The following PTPRT variants were observed in gnomAD, a reference collection of about 807,000 sequenced individuals.
PTPRT encodes the protein protein tyrosine phosphatase receptor type T, also known as receptor-type tyrosine-protein phosphatase T.
Under a neutral mutation model 176.8 loss-of-function variants are expected in PTPRT, and 56 were observed. The observed-to-expected ratio is 0.32, with a 90% CI of 0.26 to 0.40. The LOEUF is 0.40. Among genes scored for constraint, PTPRT ranks in the 10% least tolerant of loss-of-function variants. PTPRT has a pLI of 1.00. For missense variants in PTPRT, 1,540 were observed against 1,908.2 expected (o/e 0.81, Z 3.60); for synonymous variants, 783 against 739.0 (o/e 1.06, Z -0.96).
At chr20:42,798,495 A>T (rs145888807) in intron 2 of PTPRT, among the ~76,000 whole-genome samples, 58 of 152,316 alleles carry the variant, frequency 3.8e-4, no homozygotes, top group African/African-American at 1.3e-3. Flanking sequence ...ACCAATAAAC[A>T]TATCATTCAA....
chr20:43,071,221 T>C (rs1276094557), intron 1 of PTPRT, among the ~76,000 whole-genome samples: 7 of 151,648 alleles, frequency 4.6e-5, no homozygotes, highest in African/African-American at 7.3e-5. Context: ...ACTTTCTCCT[T>C]AGAGCAGGGT....
At chr20:43,188,872 C>A (rs1446520633) in intron 1 of PTPRT, among the ~76,000 whole-genome samples, 1 of 152,068 alleles carries the variant, frequency 6.6e-6, no homozygotes, top group Non-Finnish European at 1.5e-5. Context: ...AGGCACCACC[C>A]CCCCGCCCCC....
chr20:42,342,194 T>C (rs528473159), intron 11 of PTPRT, among the ~76,000 whole-genome samples: 33 of 152,340 alleles, frequency 2.2e-4, no homozygotes, highest in South Asian at 4.1e-4. Context: ...CTTCAATATG[T>C]ATCCCAATGG....
At chr20:43,164,674 C>T (rs549639511) in intron 1 of PTPRT, among the ~76,000 whole-genome samples, 11 of 152,332 alleles carry the variant, frequency 7.2e-5, no homozygotes, top group African/African-American at 2.4e-4. Flanking sequence ...GCAGGGCATA[C>T]GGTTTCTGTT....
At chr20:43,154,681 A>C (rs1056671779) in intron 1 of PTPRT, among the ~76,000 whole-genome samples, 4 of 152,172 alleles carry the variant, frequency 2.6e-5, no homozygotes, top group African/African-American at 9.7e-5. Flanking sequence ...ATTTTTTTGG[A>C]TATGACCTCA....
At chr20:42,936,852 C>T (rs1027620146) in intron 1 of PTPRT, among the ~76,000 whole-genome samples, 1 of 152,146 alleles carries the variant, frequency 6.6e-6, no homozygotes, top group Non-Finnish European at 1.5e-5. Context: ...ATTGAAGATT[C>T]GTTTAATTCT....
chr20:42,330,055 A>T (rs1450132790), intron 11 of PTPRT, among the ~76,000 whole-genome samples: 2 of 152,190 alleles, frequency 1.3e-5, no homozygotes, highest in East Asian at 1.9e-4. Flanking sequence ...TGACTATTCA[A>T]TGTTTACGAA....
intron 11 of PTPRT, among the ~76,000 whole-genome samples, chr20:42,329,704 C>T (rs1380173572): frequency 6.6e-6 from 1 of 152,104 alleles, no homozygotes; most frequent in Non-Finnish European, 1.5e-5. Context: ...ATCAACCTTA[C>T]ATAAAGCCTA....
chr20:42,035,889 T>C, the PTPRT span, among the ~76,000 whole-genome samples: 1 of 152,176 alleles, frequency 6.6e-6, no homozygotes, highest in Non-Finnish European at 1.5e-5. Flanking sequence ...TAGATTGCAA[T>C]GGGGAGTTCA....
intron 1 of PTPRT, among the ~76,000 whole-genome samples, chr20:43,093,682 C>G (rs994266903): frequency 1.3e-5 from 2 of 152,202 alleles, no homozygotes; most frequent in Non-Finnish European, 2.9e-5. Flanking sequence ...GCTCCAATGC[C>G]CCACTGGCTT....
chr20:42,522,027 A>C (rs2072185880), intron 7 of PTPRT, among the ~76,000 whole-genome samples: 1 of 151,922 alleles, frequency 6.6e-6, no homozygotes, highest in Admixed American at 6.6e-5. Flanking sequence ...CAGAAAAAGA[A>C]ATAGTACAAC....
At chr20:42,606,029 G>A (rs750676387) in intron 7 of PTPRT, among the ~76,000 whole-genome samples, 7 of 152,220 alleles carry the variant, frequency 4.6e-5, no homozygotes, top group Non-Finnish European at 1.5e-5. Flanking sequence ...AGAATTTCAG[G>A]CTACAGGATC....
At chr20:42,359,180 C>A (rs1018071787) in intron 9 of PTPRT, among the ~76,000 whole-genome samples, 1 of 152,194 alleles carries the variant, frequency 6.6e-6, no homozygotes, top group Non-Finnish European at 1.5e-5. Context: ...GATTCTCATG[C>A]ACACTGAGTT....
intron 13 of PTPRT, among the ~76,000 whole-genome samples, chr20:42,249,090 G>A (rs1359177742): frequency 6.6e-6 from 1 of 152,138 alleles, no homozygotes; most frequent in Non-Finnish European, 1.5e-5. Context: ...GGGCAACTGT[G>A]TTGAAGCATT....
At chr20:42,151,704 A>G (rs1022860740) in intron 17 of PTPRT, among the ~76,000 whole-genome samples, 1 of 152,190 alleles carries the variant, frequency 6.6e-6, no homozygotes, top group East Asian at 1.9e-4. Flanking sequence ...CTCGTTCTAG[A>G]TCCTTGAGGA....
intron 7 of PTPRT, among the ~76,000 whole-genome samples, chr20:42,558,615 A>G (rs1219838758): frequency 6.6e-6 from 1 of 152,062 alleles, no homozygotes; most frequent in Non-Finnish European, 1.5e-5. Context: ...TGACAAACCC[A>G]TAAAGAAGAA....
chr20:42,579,321 G>C (rs1397129313), intron 7 of PTPRT, among the ~76,000 whole-genome samples: 17 of 152,040 alleles, frequency 1.1e-4, no homozygotes, highest in Admixed American at 3.9e-4. Context: ...TTGGACATTT[G>C]GGTTGGTTCC....
chr20:42,103,064 T>C (rs748598384), intron 25 of PTPRT, among the ~76,000 whole-genome samples: 1 of 152,248 alleles, frequency 6.6e-6, no homozygotes, highest in Non-Finnish European at 1.5e-5. Context: ...GCCTGGCATT[T>C]GCCCACTGAC....
At chr20:43,051,146 G>A (rs913737451) in intron 1 of PTPRT, among the ~76,000 whole-genome samples, 5 of 152,188 alleles carry the variant, frequency 3.3e-5, no homozygotes, top group South Asian at 2.1e-4. Flanking sequence ...ATGTTCTAGC[G>A]AAAGTCTTTG....
Sources: gnomAD v4.1 joint callset for allele counts (sites outside exome capture counted in the v4.1 genomes callset) on GRCh38, gnomAD v4.1.1 for gene constraint, MANE v1.5 for transcripts, NCBI Gene and HGNC (gene_info 2026-07-23, HGNC 2026-07-21) for gene names.